HEMK2: variants seen among roughly 807,000 people sequenced by gnomAD.
HEMK2 encodes HemK methyltransferase 2, ETF1 glutamine and histone H4 lysine.
the HEMK2 span, among the ~76,000 whole-genome samples, chr21:28,780,124 T>G: frequency 0.015 from 2,298 of 152,020 alleles, 60 homozygotes; most frequent in African/African-American, 0.051. Flanking sequence ...AGCTTATGAG[T>G]AGCTAATGAG....
chr21:28,727,083 T>C, the HEMK2 span, among the ~76,000 whole-genome samples: 86,670 of 151,812 alleles, frequency 0.57, 28,046 homozygotes, highest in African/African-American at 0.87. Flanking sequence ...AGTAGGAACA[T>C]GAAAAGGGCA....
the HEMK2 span, among the ~76,000 whole-genome samples, chr21:28,580,152 G>A: frequency 3.1e-4 from 47 of 152,246 alleles, no homozygotes; most frequent in South Asian, 8.3e-4. Flanking sequence ...CACTTCTTAC[G>A]TAACTGAGCT....
the HEMK2 span, among the ~76,000 whole-genome samples, chr21:28,687,353 C>T: frequency 1.3e-5 from 2 of 152,170 alleles, no homozygotes; most frequent in African/African-American, 2.4e-5. Context: ...TCATTTTCCT[C>T]GTCTAGAAAA....
the HEMK2 span, among the ~76,000 whole-genome samples, chr21:28,878,793 A>C: frequency 6.6e-6 from 1 of 151,504 alleles, no homozygotes; most frequent in Non-Finnish European, 1.5e-5. Context: ...AGAAGCTAGA[A>C]GGAACAGCTT....
At chr21:28,634,164 G>C in the HEMK2 span, among the ~76,000 whole-genome samples, 2 of 152,194 alleles carry the variant, frequency 1.3e-5, no homozygotes, top group Admixed American at 6.5e-5. Flanking sequence ...ACTCCAAGCA[G>C]AGAGTTGGTC....
the HEMK2 span, among the ~76,000 whole-genome samples, chr21:28,772,876 A>G: frequency 6.6e-6 from 1 of 152,282 alleles, no homozygotes; most frequent in East Asian, 1.9e-4. Context: ...AAGTAATTAA[A>G]GTACCTTCAG....
chr21:28,774,278 C>G, the HEMK2 span, among the ~76,000 whole-genome samples: 7 of 152,152 alleles, frequency 4.6e-5, no homozygotes, highest in Non-Finnish European at 1.0e-4. Flanking sequence ...CTACTAAAAA[C>G]TGTTACCAAT....
At chr21:28,786,033 A>G in the HEMK2 span, among the ~76,000 whole-genome samples, 1 of 152,244 alleles carries the variant, frequency 6.6e-6, no homozygotes, top group Non-Finnish European at 1.5e-5. Context: ...CCTCTAGACA[A>G]CAAATTCATT....
At chr21:28,760,479 C>A in the HEMK2 span, among the ~76,000 whole-genome samples, 1 of 152,100 alleles carries the variant, frequency 6.6e-6, no homozygotes, top group Non-Finnish European at 1.5e-5. Flanking sequence ...AACCCAGGTA[C>A]CAAGGACATT....
At chr21:28,725,235 G>A in the HEMK2 span, among the ~76,000 whole-genome samples, 1 of 152,094 alleles carries the variant, frequency 6.6e-6, no homozygotes, top group African/African-American at 2.4e-5. Context: ...AAATTGTATT[G>A]AAATTAAATC....
the HEMK2 span, among the ~76,000 whole-genome samples, chr21:28,695,580 C>A: frequency 6.6e-6 from 1 of 152,138 alleles, no homozygotes; most frequent in African/African-American, 2.4e-5. Flanking sequence ...TCTCATGAGA[C>A]TTATTCACTA....
At chr21:28,841,340 T>TTA in the HEMK2 span, among the ~76,000 whole-genome samples, 9 of 16,440 alleles carry the variant, frequency 5.5e-4, no homozygotes, top group Middle Eastern at 0.029. Context: ...TAAATATATA[T>TTA]TATATATATA....
At chr21:28,804,310 G>T in the HEMK2 span, among the ~76,000 whole-genome samples, 1 of 152,208 alleles carries the variant, frequency 6.6e-6, no homozygotes. Flanking sequence ...ATCTACCATT[G>T]CTCCATTACT....
chr21:28,694,584 T>A, the HEMK2 span, among the ~76,000 whole-genome samples: 1 of 152,212 alleles, frequency 6.6e-6, no homozygotes, highest in Non-Finnish European at 1.5e-5. Flanking sequence ...CACTCTACAA[T>A]GTAGTTATAC....
chr21:28,712,717 A>G, the HEMK2 span, among the ~76,000 whole-genome samples: 2 of 152,226 alleles, frequency 1.3e-5, no homozygotes. Flanking sequence ...TTCCATAGAC[A>G]TTGGGGAAGA....
At chr21:28,681,615 A>C in the HEMK2 span, among the ~76,000 whole-genome samples, 2 of 152,254 alleles carry the variant, frequency 1.3e-5, no homozygotes, top group Non-Finnish European at 2.9e-5. Flanking sequence ...CCAAAAGAAC[A>C]AAGCTGGAGG....
At chr21:28,719,757 C>T in the HEMK2 span, among the ~76,000 whole-genome samples, 7 of 152,206 alleles carry the variant, frequency 4.6e-5, no homozygotes, top group African/African-American at 7.2e-5. Context: ...CCCAAATACA[C>T]GGAAAGCATC....
At chr21:28,589,984 C>A in the HEMK2 span, among the ~76,000 whole-genome samples, 1 of 152,112 alleles carries the variant, frequency 6.6e-6, no homozygotes, top group Non-Finnish European at 1.5e-5. Context: ...ATATCTTTCC[C>A]ACACATTTCC....
the HEMK2 span, among the ~76,000 whole-genome samples, chr21:28,575,907 T>C: frequency 2.0e-5 from 3 of 152,226 alleles, no homozygotes. Flanking sequence ...ATCCATGTTG[T>C]TCCACATATA....
Sources: allele counts gnomAD v4.1 joint callset (sites outside exome capture counted in the v4.1 genomes callset), GRCh38; gene constraint gnomAD v4.1.1; transcripts MANE v1.5; gene names NCBI Gene and HGNC (gene_info 2026-07-23, HGNC 2026-07-21).